ADAM18: variants seen among roughly 807,000 people sequenced by gnomAD.
ADAM18 encodes ADAM metallopeptidase domain 18.
A neutral mutation model predicts 94.4 loss-of-function variants in ADAM18; 117 were observed. The ratio of observed to expected loss-of-function variants is 1.24; its 90% CI spans 1.07 to 1.45. ADAM18 has a LOEUF of 1.45. Among genes scored for constraint, ADAM18 ranks in the 40% most tolerant of loss-of-function variants. The pLI, the probability that ADAM18 is intolerant of heterozygous loss-of-function variation, is 0.00. For missense variants in ADAM18, 936 were observed against 880.0 expected, an observed-to-expected ratio of 1.06 and a Z score of -0.81; for synonymous variants, 327 against 291.6, an observed-to-expected ratio of 1.12 and a Z score of -1.24.
intron 2 of ADAM18, among the ~76,000 whole-genome samples, chr8:39,587,269 A>G (rs1343690299): frequency 6.6e-6 from 1 of 152,184 alleles, no homozygotes; most frequent in Non-Finnish European, 1.5e-5. Flanking sequence ...CATATTTTCA[A>G]GTGCACAATG....
chr8:39,650,025 C>A lies in ADAM18; in HGVS notation c.1230+1498C>A, dbSNP rs141635732. 6.6e-5 allele frequency among the ~76,000 whole-genome samples: 10 copies of A among 152,144 alleles called. No individual in the cohort carries two copies. The East Asian group carries it at 1.7e-3, about 26-fold the overall frequency. ...GTTGCAACAGATACTATATGACAAGCAAGTCTGGAAATAATATTTGATTTT... is the reference window on the plus strand; with the variant it reads ...GTTGCAACAGATACTATATGACAAGAAAGTCTGGAAATAATATTTGATTTT... On this transcript the variant is annotated intron_variant, in intron 12 of 19. Transcript: ENST00000265707.
chr8:39,685,368 G>A (rs960800436), intron 16 of ADAM18: 3 of 152,212 alleles, frequency 2.0e-5, no homozygotes, highest in Non-Finnish European at 2.9e-5. Context: ...GTTGAAGAGC[G>A]GTTTGCTATA....
intron 7 of ADAM18, among the ~76,000 whole-genome samples, chr8:39,636,277 C>A (rs919816646): frequency 6.6e-6 from 1 of 152,136 alleles, no homozygotes; most frequent in African/African-American, 2.4e-5. Context: ...TGAGTCACTG[C>A]ACCTGTCCAA....
At chr8:39,642,641 T>C (rs531332909) in intron 10 of ADAM18, among the ~76,000 whole-genome samples, 2 of 152,226 alleles carry the variant, frequency 1.3e-5, no homozygotes, top group East Asian at 3.9e-4. Flanking sequence ...AGTACCATGC[T>C]GTTTTGGTTA....
At chr8:39,648,248 G>A (rs565400630) in intron 11 of ADAM18, 96 bp from the exon 12 acceptor site, 10 of 894,590 alleles carry the variant, frequency 1.1e-5, no homozygotes, top group Non-Finnish European at 1.6e-5. Context: ...TTTTGGGGTG[G>A]CCATCTTGTG....
At chr8:39,614,359 A>G (rs1276693470) in intron 6 of ADAM18, among the ~76,000 whole-genome samples, 4 of 152,240 alleles carry the variant, frequency 2.6e-5, no homozygotes, top group Non-Finnish European at 4.4e-5. Context: ...AGAATTAAAT[A>G]TCCATCCAAA....
chr8:39,692,956 A>T (rs567597469), intron 17 of ADAM18, among the ~76,000 whole-genome samples: 4 of 151,782 alleles, frequency 2.6e-5, no homozygotes, highest in Non-Finnish European at 4.4e-5. Context: ...TATCATGAAC[A>T]TATTTCTTCT....
intron 2 of ADAM18, among the ~76,000 whole-genome samples, chr8:39,602,242 GA>G (rs1324125925): frequency 1.3e-5 from 2 of 152,028 alleles, no homozygotes; most frequent in African/African-American, 4.8e-5. Context: ...ATTTTTATGT[GA>G]TTTTTTGGAT....
intron 13 of ADAM18, among the ~76,000 whole-genome samples, chr8:39,665,022 A>T (rs1423822340): frequency 6.6e-6 from 1 of 152,144 alleles, no homozygotes; most frequent in African/African-American, 2.4e-5. Flanking sequence ...TTAAGCTTAT[A>T]ACTAGCATCA....
intron 7 of ADAM18, among the ~76,000 whole-genome samples, chr8:39,631,928 A>G (rs1316994728): frequency 6.6e-6 from 1 of 151,982 alleles, no homozygotes; most frequent in African/African-American, 2.4e-5. Context: ...TGCCCTAGTA[A>G]ATGGTATTCT....
At chr8:39,632,435 A>G (rs1242654912) in intron 7 of ADAM18, among the ~76,000 whole-genome samples, 1 of 151,966 alleles carries the variant, frequency 6.6e-6, no homozygotes, top group Non-Finnish European at 1.5e-5. Flanking sequence ...GCTGTTTTTC[A>G]TCAAATTTTT....
intron 10 of ADAM18, among the ~76,000 whole-genome samples, chr8:39,642,309 C>T (rs1273462881): frequency 6.6e-6 from 1 of 151,834 alleles, no homozygotes; most frequent in African/African-American, 2.4e-5. Flanking sequence ...ATTGCTGTGG[C>T]ATCTTCATAA....
chr8:39,625,607 C>T (rs1819745695), intron 6 of ADAM18, among the ~76,000 whole-genome samples: 1 of 151,808 alleles, frequency 6.6e-6, no homozygotes, highest in African/African-American at 2.4e-5. Flanking sequence ...CCTTCTTTGT[C>T]TTTTTCCAGT....
chr8:39,635,740 T>C (rs1367599589), intron 7 of ADAM18, among the ~76,000 whole-genome samples: 1 of 152,158 alleles, frequency 6.6e-6, no homozygotes, highest in Non-Finnish European at 1.5e-5. Flanking sequence ...CTTGGCACAA[T>C]TGGAGAATAC....
At chr8:39,722,023 T>TTA (rs753703811) in intron 18 of ADAM18, among the ~76,000 whole-genome samples, 1 of 150,298 alleles carries the variant, frequency 6.7e-6, no homozygotes, top group East Asian at 1.9e-4. Context: ...AAAGAACACA[T>TTA]TATATATATA....
rs546470962 is a variant in ADAM18 at position 39,618,988 on chromosome 8, G to A, written c.522+8282G>A. On this transcript the variant is annotated intron_variant, in intron 6 of 19. Transcript: ENST00000265707. ...GCATTTCATCTTTTATCGAGCAATA[G>A]TTTCAGGGGGTCTCCCTACAAATTA... 5.3e-5 allele frequency among the ~76,000 whole-genome samples: 8 copies of A among 152,208 alleles called. No homozygotes were observed. In the South Asian group the frequency reaches 1.7e-3, roughly 32 times the overall value.
intron 17 of ADAM18, among the ~76,000 whole-genome samples, chr8:39,706,345 G>C (rs1822240506): frequency 6.6e-6 from 1 of 151,986 alleles, no homozygotes; most frequent in Non-Finnish European, 1.5e-5. Context: ...CTAGGATAAG[G>C]AATTAAAGTG....
intron 2 of ADAM18, among the ~76,000 whole-genome samples, chr8:39,593,494 TA>T (rs1818640825): frequency 6.6e-6 from 1 of 151,794 alleles, no homozygotes; most frequent in African/African-American, 2.4e-5. Flanking sequence ...AAATTATATT[TA>T]AAAAACATAA....
chr8:39,610,781 A>G, intron 6 of ADAM18, 75 bp downstream of exon 6: 1 of 1,506,886 alleles, frequency 6.6e-7, no homozygotes, highest in South Asian at 1.4e-5. Flanking sequence ...CATGAAAGGA[A>G]TTTAGTTAGC....
Sources: gnomAD v4.1 joint callset for allele counts (sites outside exome capture counted in the v4.1 genomes callset) on GRCh38, gnomAD v4.1.1 for gene constraint, MANE v1.5 for transcripts, NCBI Gene and HGNC (gene_info 2026-07-23, HGNC 2026-07-21) for gene names.